Variants in MYH2 observed in about 807,000 individuals in gnomAD.
MYH2 encodes myosin heavy chain 2, also known as myosin-2.
MYH2 carries 139 observed loss-of-function variants against 228.1 expected under a neutral mutation model. The observed-to-expected ratio is 0.61, with a 90% confidence interval of 0.53 to 0.70. MYH2 has a LOEUF of 0.70. MYH2 is among the 30% of genes least tolerant of loss of function. The probability of loss-of-function intolerance (pLI) is 0.00; values close to 1 mark genes in which losing one functional copy is unlikely to be tolerated. For synonymous variants in MYH2, 796 were observed against 871.1 expected (o/e 0.91, Z 1.52); for missense variants, 1,809 against 2,357.5 (o/e 0.77, Z 4.82).
intron 35 of MYH2, 33 bp from the exon 36 acceptor site, chr17:10,523,917 T>A (rs1412400396): frequency 1.2e-6 from 2 of 1,604,556 alleles, no homozygotes; most frequent in Non-Finnish European, 1.7e-6. Context: ...TTTAAAAAAT[T>A]GTGTTACCAA....
Position 10,537,409 on chromosome 17 carries a change from C to T in MYH2, c.1721G>A (p.Gly574Asp). 6.2e-7 allele frequency: 1 copy of T among 1,614,162 alleles called. No homozygotes were observed. Among genetic ancestry groups the T allele is most frequent in the Non-Finnish European group, 8.5e-7 (1 of 1,180,044 alleles). ...CAGAGCGAAGTGGGCCTCGGCCTTG[C>T]CTTTGACCACCTTGGGCTTCTGGAA... ...ANFQKPKVVK[G>D]KAEAHFALIH... Residue 574 changes from glycine (G) to aspartate (D), a missense_variant, in exon 16 of 40, where the codon GGC (glycine) becomes GAC (aspartate). Around this residue, in one of 9 missense-constraint regions of MYH2, gnomAD observed 41 missense variants for 35.1 expected, o/e 1.17. Coordinates refer to ENST00000245503, the MANE Select transcript of MYH2 (RefSeq NM_017534.6). The surrounding 1 kb of genome is among the most constrained non-coding windows in gnomAD (Gnocchi z 4.0).
At chr17:10,546,033 G>A (rs545714103) in intron 4 of MYH2, among the ~76,000 whole-genome samples, 28 of 151,776 alleles carry the variant, frequency 1.8e-4, no homozygotes, top group African/African-American at 6.3e-4. Flanking sequence ...TATGGAAATG[G>A]TTTATATTTT....
Position 10,537,947 on chromosome 17 carries a change from T to TA in MYH2, c.1417-113dup. The TA allele has an allele frequency of 6.4e-7, 1 of 1,555,882 alleles. No individual in the cohort carries two copies. Among genetic ancestry groups the TA allele is most frequent in the Non-Finnish European group, 8.8e-7 (1 of 1,142,684 alleles). On this transcript the variant is annotated intron_variant, in intron 14 of 39. Coordinates refer to ENST00000245503, the MANE Select transcript of MYH2 (RefSeq NM_017534.6). The surrounding 1 kb of genome is among the most constrained non-coding windows in gnomAD (Gnocchi z 4.0). ...CCAAGAGCCTTTATATTACAGATAT[T>TA]AAAATCACTGGGTTAAAGAGACTTT...
intron 11 of MYH2, 114 bp from the exon 12 acceptor site, chr17:10,540,180 G>A: frequency 7.1e-7 from 1 of 1,410,676 alleles, no homozygotes; most frequent in Non-Finnish European, 1.0e-6. Context: ...GGGAGACAAG[G>A]AACCCCTTAG....
chr17:10,531,498 G>C, intron 22 of MYH2, 135 bp downstream of exon 22: 1 of 1,228,906 alleles, frequency 8.1e-7, no homozygotes, highest in Non-Finnish European at 1.2e-6. Context: ...GGACCTTTTC[G>C]TGCCATTGGA....
rs1430112901 is a variant in MYH2, at chr17:10,540,605, T to G, written c.997A>C (p.Met333Leu). The change falls in exon 11 of 40, where the codon ATG (methionine) becomes CTG (leucine). Residue 333 changes from methionine (M) to leucine (L), a missense_variant. By Grantham distance (15) the Met-to-Leu change is conservative. This residue lies in a region of MYH2 where 373 missense variants were observed against 620.4 expected (regional missense o/e 0.60). Transcript: ENST00000245503. ...VASIDDQEELMATDSAIDILG... is the reference protein window; with the variant it reads ...VASIDDQEELLATDSAIDILG... ...TGTGTTCTACTTACATCTGTGGCCATCAGTTCTTCCTGATCATCGATGCTG... is the reference window on the plus strand; with the variant it reads ...TGTGTTCTACTTACATCTGTGGCCAGCAGTTCTTCCTGATCATCGATGCTG... The G allele has an allele frequency of 7.5e-6, 12 of 1,609,850 alleles. No individual in the cohort carries two copies. The highest frequency in any genetic ancestry group is 1.0e-5 in the Non-Finnish European group (12 of 1,176,106).
rs3744569 is a variant in MYH2, at chr17:10,536,685, A to G, written c.1898-79T>C. The G allele has an allele frequency of 2.9e-3, 3,952 of 1,349,298 alleles. 138 individuals are homozygous for G. In the East Asian group the frequency reaches 0.081, roughly 28 times the overall value. The allele number at this position is 1,349,298 out of a possible 1,614,324, so 83.6% of individuals were successfully genotyped here. A position where few individuals can be genotyped will look rare whatever the true frequency, so the allele number is the denominator to read the frequency against. On this transcript the variant is annotated intron_variant, in intron 16 of 39. Coordinates refer to ENST00000245503, the MANE Select transcript of MYH2 (RefSeq NM_017534.6). The stretch of plus-strand genomic sequence containing the variant: ...TGCGTATTTGCTGATTTCTGTGTTC[A>G]TCGAGTGGAGCCTTTTTTCTACCCA...
chr17:10,547,862 G>C lies in MYH2; in HGVS notation c.59C>G (p.Ser20Cys). ...FGEAAPFLRKSERERIEAQNR... is the reference protein window; with the variant it reads ...FGEAAPFLRKCERERIEAQNR... Reference sequence around the variant, plus strand: ...CTGGGCCTCAATGCGCTCCCTTTCAGACTTTCGGAGGAAAGGAGCAGCCTC... The same window carrying C: ...CTGGGCCTCAATGCGCTCCCTTTCACACTTTCGGAGGAAAGGAGCAGCCTC... The change falls in exon 3 of 40, where the codon TCT becomes TGT. Residue 20 changes from serine to cysteine, a missense_variant. Coordinates refer to ENST00000245503, the MANE Select transcript of MYH2 (RefSeq NM_017534.6). 1 of 1,614,168 alleles carries C rather than the reference G, an allele frequency of 6.2e-7. No homozygotes were observed. The highest frequency in any genetic ancestry group is 8.5e-7 in the Non-Finnish European group (1 of 1,180,020).
intron 35 of MYH2, 82 bp from the exon 36 acceptor site, chr17:10,523,966 T>C (rs2073317554): frequency 4.8e-6 from 7 of 1,458,072 alleles, no homozygotes; most frequent in Admixed American, 4.4e-5. Context: ...AAAATTCAGA[T>C]AAAAATTTGC....
chr17:10,547,869 G>A lies in MYH2; in HGVS notation c.52C>T (p.Arg18Ter), dbSNP rs769712128. ...TCAATGCGCTCCCTTTCAGACTTTC[G>A]GAGGAAAGGAGCAGCCTCCCCAAAA... ...AVFGEAAPFL[R>*]KSERERIEAQ... Residue 18 changes from arginine (R) to a stop codon, truncating the protein, a stop_gained, in exon 3 of 40, where the codon CGA (arginine) becomes TGA (stop). Transcript: ENST00000245503. LOFTEE classifies it high-confidence loss of function. 41 of 1,614,018 alleles carry A rather than the reference G, an allele frequency of 2.5e-5. No homozygotes were observed. The highest frequency in any genetic ancestry group is 3.3e-5 in the Admixed American group (2 of 59,992).
rs1286090396 is a variant in MYH2 at position 10,523,869 on chromosome 17, T to C, written c.5191A>G (p.Asn1731Asp). Reference protein sequence around the residue: ...LLHTQNTSLINTKKKLETDIS... With the variant: ...LLHTQNTSLIDTKKKLETDIS... ...TCTGTCTCCAGCTTCTTCTTGGTGT[T>C]GATCAGGCTGGTGTTCTGTTTAAAA... Residue 1731 changes from asparagine to aspartate, a missense_variant, in exon 36 of 40, where the codon AAC becomes GAC. Physicochemically the swap from Asn to Asp is conservative, Grantham distance 23 (BLOSUM62 1). This residue lies in a region of MYH2 where 278 missense variants were observed against 308.5 expected (regional missense o/e 0.90). Coordinates refer to ENST00000245503, the MANE Select transcript of MYH2 (RefSeq NM_017534.6). The C allele has an allele frequency of 6.2e-7, 1 of 1,613,806 alleles. No individual in the cohort carries two copies. The highest frequency in any genetic ancestry group is 2.2e-5 in the East Asian group (1 of 44,870).
At position 10,526,666 on chromosome 17, in the gene MYH2, C is replaced by T. The variant is rs751942157; in HGVS notation, c.4120G>A (p.Val1374Ile). 2 of 1,614,030 alleles carry T rather than the reference C, an allele frequency of 1.2e-6. No individual in the cohort carries two copies. Among genetic ancestry groups the T allele is most frequent in the South Asian group, 2.2e-5 (2 of 91,076 alleles). The change falls in exon 30 of 40, where the codon GTT becomes ATT. Residue 1374 changes from valine (V) to isoleucine (I), a missense_variant. Around this residue, in one of 9 missense-constraint regions of MYH2, gnomAD observed 636 missense variants for 729.9 expected, o/e 0.87. Transcript: ENST00000245503. Reference sequence around the variant, plus strand: ...TCGTATTTGGTCCTCCATTGGGCAACCTCGGTGTTGGCCTTGGACAGTGCT... The same window carrying T: ...TCGTATTTGGTCCTCCATTGGGCAATCTCGGTGTTGGCCTTGGACAGTGCT... ...QRALSKANTE[V>I]AQWRTKYETD...
chr17:10,522,973 C>T, intron 39 of MYH2, 117 bp downstream of exon 39: 1 of 730,746 alleles, frequency 1.4e-6, no homozygotes, highest in South Asian at 1.6e-5. Context: ...AATTATTGTA[C>T]AAAAACAAAT....
rs748605415 is a variant in MYH2, at chr17:10,523,345, C to T, written c.5540G>A (p.Arg1847His). 1.1e-4 allele frequency: 176 copies of T among 1,614,098 alleles called. 2 individuals carry two copies. Among genetic ancestry groups the T allele is most frequent in the Non-Finnish European group, 1.2e-4 (147 of 1,180,052 alleles). Reference protein sequence around the residue: ...KRNAEAVKGLRKHERRVKELT... With the variant: ...KRNAEAVKGLHKHERRVKELT... ...TTCCTTCACTCGCCTCTCATGTTTG[C>T]GCAGACCTTTGACAGCCTCAGCATT... The change falls in exon 38 of 40, where the codon CGC (arginine) becomes CAC (histidine). Residue 1847 changes from arginine (R) to histidine (H), a missense_variant. This residue lies in a region of MYH2 where 278 missense variants were observed against 308.5 expected (regional missense o/e 0.90). Transcript: ENST00000245503.
In MYH2 at chr17:10,545,014, A is replaced by AGTGT. The variant is rs112057904; in HGVS notation, c.505+328_505+331dup. On this transcript the variant is annotated intron_variant, in intron 5 of 39. Transcript: ENST00000245503. The stretch of plus-strand genomic sequence containing the variant: ...TTGTATGTGTGATTGTGCGTGCATG[A>AGTGT]GTGTGTGTGTGTGTGTGTATATATA... Among the ~76,000 whole-genome samples, 1,404 of 150,526 alleles carry AGTGT rather than the reference A, an allele frequency of 9.3e-3. 15 individuals are homozygous for AGTGT. The highest frequency in any genetic ancestry group is 0.025 in the African/African-American group (1,029 of 40,942).
chr17:10,547,406 T>G (rs2073648696), intron 4 of MYH2, 69 bp downstream of exon 4: 1 of 1,588,982 alleles, frequency 6.3e-7, no homozygotes, highest in African/African-American at 1.3e-5. Context: ...CTATTTATGC[T>G]CAGTGGAAGA....
At chr17:10,526,220 T>C (rs1451346539) in intron 30 of MYH2, among the ~76,000 whole-genome samples, 3 of 152,248 alleles carry the variant, frequency 2.0e-5, no homozygotes, top group East Asian at 3.9e-4. Context: ...AAGGCCTCCA[T>C]GAAGAGATAT....
Position 10,539,642 on chromosome 17 carries a change from G to A in MYH2, c.1148-80C>T, listed in dbSNP as rs917451388. ...CTTAAAAATATTTTTTAAACTACAA[G>A]TATTTTGTGCAGTGTTTTAAATATC... is the stretch of plus-strand genomic sequence containing the variant. On this transcript the variant is annotated intron_variant, in intron 12 of 39. Transcript: ENST00000245503. 4 of 1,405,760 alleles carry A rather than the reference G, an allele frequency of 2.8e-6. No homozygotes were observed. The African/African-American group carries it at 4.3e-5, about 15-fold the overall frequency. The allele number at this position is 1,405,760 out of a possible 1,614,324, so 87.1% of individuals were successfully genotyped here.
chr17:10,529,120 A>G (rs2073392056), intron 26 of MYH2, 41 bp from the exon 27 acceptor site: 2 of 1,614,066 alleles, frequency 1.2e-6, no homozygotes, highest in Non-Finnish European at 1.7e-6. Flanking sequence ...TCTTTGTGTC[A>G]TAACTGCCTC....
Sources: allele counts gnomAD v4.1 joint callset (sites outside exome capture counted in the v4.1 genomes callset), GRCh38; gene constraint gnomAD v4.1.1; regional missense constraint gnomAD v4.1.1; non-coding constraint Gnocchi (gnomAD v3.1); transcripts MANE v1.5; gene names NCBI Gene and HGNC (gene_info 2026-07-23, HGNC 2026-07-21).